CDC14A: variants seen among roughly 807,000 people sequenced by gnomAD.
CDC14A encodes the protein dual specificity protein phosphatase CDC14A.
A neutral mutation model predicts 74.4 loss-of-function variants in CDC14A; 53 were observed. That is an observed-to-expected ratio of 0.71 (90% CI 0.57 to 0.89). The LOEUF (loss-of-function observed/expected upper bound fraction) is 0.89, where lower values mean the gene tolerates loss of function less well. Ranked by LOEUF, CDC14A falls within the 40% of genes least tolerant of loss-of-function variation. The pLI is 0.00. For missense variants in CDC14A, 646 were observed against 713.7 expected, an observed-to-expected ratio of 0.91 and a Z score of 1.08; for synonymous variants, 247 against 258.4, an observed-to-expected ratio of 0.96 and a Z score of 0.43.
At chr1:100,362,016 T>C (rs1310976610) in intron 2 of CDC14A, among the ~76,000 whole-genome samples, 1 of 152,138 alleles carries the variant, frequency 6.6e-6, no homozygotes, top group Non-Finnish European at 1.5e-5. Flanking sequence ...GTTTCTGGCT[T>C]GGGTGACTGG....
intron 13 of CDC14A, among the ~76,000 whole-genome samples, chr1:100,496,266 G>A (rs1006288884): frequency 4.6e-5 from 7 of 150,984 alleles, no homozygotes; most frequent in Non-Finnish European, 7.4e-5. Context: ...ACTGTGTGGT[G>A]GTGGTAGAGA....
chr1:100,447,081 T>G (rs1198584660), intron 7 of CDC14A, among the ~76,000 whole-genome samples: 1 of 152,084 alleles, frequency 6.6e-6, no homozygotes, highest in East Asian at 1.9e-4. Flanking sequence ...GTAGCTAGAG[T>G]ATGGATTCTG....
intron 2 of CDC14A, among the ~76,000 whole-genome samples, chr1:100,358,954 G>C (rs1309723950): frequency 6.6e-6 from 1 of 152,212 alleles, no homozygotes; most frequent in Admixed American, 6.5e-5. Context: ...TGTATAGCAA[G>C]TAGGATAATT....
At chr1:100,488,107 T>G (rs1178316085) in intron 11 of CDC14A, among the ~76,000 whole-genome samples, 2 of 152,206 alleles carry the variant, frequency 1.3e-5, no homozygotes, top group Non-Finnish European at 2.9e-5. Context: ...GTGCTCACTT[T>G]AACATTTAGG....
chr1:100,393,733 A>G (rs982626221), intron 4 of CDC14A: 5 of 366,076 alleles, frequency 1.4e-5, no homozygotes, highest in African/African-American at 1.1e-4. Flanking sequence ...AGGCGGGCGG[A>G]TCACAAGGTC....
chr1:100,399,624 T>G (rs1158774973), intron 4 of CDC14A, among the ~76,000 whole-genome samples: 1 of 152,228 alleles, frequency 6.6e-6, no homozygotes, highest in Non-Finnish European at 1.5e-5. Context: ...TATAGATTTA[T>G]TAACTGTTTG....
At chr1:100,373,898 C>G (rs142047252) in intron 2 of CDC14A, among the ~76,000 whole-genome samples, 7 of 152,026 alleles carry the variant, frequency 4.6e-5, no homozygotes, top group Admixed American at 1.3e-4. Context: ...TGGTGTGCTG[C>G]ACCCATTAAC....
chr1:100,467,327 C>A (rs1006775634), intron 9 of CDC14A, among the ~76,000 whole-genome samples: 2 of 152,144 alleles, frequency 1.3e-5, no homozygotes, highest in African/African-American at 4.8e-5. Flanking sequence ...AAAAGGTCCC[C>A]TCAAAAGCAG....
intron 4 of CDC14A, among the ~76,000 whole-genome samples, chr1:100,414,006 T>A (rs1048666835): frequency 1.3e-5 from 2 of 152,200 alleles, no homozygotes; most frequent in Non-Finnish European, 2.9e-5. Context: ...ACTAACACAC[T>A]TACTTAATTA....
chr1:100,511,137 C>T (rs1649741860), intron 15 of CDC14A, among the ~76,000 whole-genome samples: 1 of 152,222 alleles, frequency 6.6e-6, no homozygotes, highest in African/African-American at 2.4e-5. Flanking sequence ...ACTTCCTTCT[C>T]CTTTTGTATC....
intron 4 of CDC14A, among the ~76,000 whole-genome samples, chr1:100,393,809 G>T (rs1386940414): frequency 6.6e-6 from 1 of 152,006 alleles, no homozygotes; most frequent in Non-Finnish European, 1.5e-5. Context: ...TGGGCGTGGT[G>T]ATGCGAGCCT....
At chr1:100,393,745 AGAGACG>A (rs1658061578) in intron 4 of CDC14A, 2 of 355,900 alleles carry the variant, frequency 5.6e-6, no homozygotes, top group South Asian at 4.5e-5. Context: ...CACAAGGTCA[AGAGACG>A]GAGACCATCC....
intron 2 of CDC14A, among the ~76,000 whole-genome samples, chr1:100,359,108 C>T (rs1024358223): frequency 2.0e-5 from 3 of 152,030 alleles, no homozygotes; most frequent in South Asian, 2.1e-4. Context: ...GGTTGAACCT[C>T]GAGACAAATT....
At chr1:100,510,096 C>G (rs376791792) in intron 15 of CDC14A, among the ~76,000 whole-genome samples, 10 of 152,164 alleles carry the variant, frequency 6.6e-5, no homozygotes, top group South Asian at 4.1e-4. Flanking sequence ...CAAGGATACT[C>G]ATATCGTTTT....
chr1:100,422,293 T>G (rs1331474897), intron 4 of CDC14A, among the ~76,000 whole-genome samples: 1 of 152,164 alleles, frequency 6.6e-6, no homozygotes, highest in Non-Finnish European at 1.5e-5. Flanking sequence ...TCCCTCCAAA[T>G]TAAAGGGAAT....
At chr1:100,475,640 A>G (rs191930752) in intron 10 of CDC14A, among the ~76,000 whole-genome samples, 253 of 152,256 alleles carry the variant, frequency 1.7e-3, no homozygotes, top group African/African-American at 5.8e-3. Flanking sequence ...TTGATGTCCA[A>G]GGCTGAGGGG....
intron 4 of CDC14A, among the ~76,000 whole-genome samples, chr1:100,403,650 T>A (rs1659559156): frequency 6.6e-6 from 1 of 152,254 alleles, no homozygotes; most frequent in African/African-American, 2.4e-5. Flanking sequence ...AGCCTTCAAA[T>A]AATATGATTT....
Position 100,352,857 on chromosome 1 carries a change from T to C in CDC14A, c.-98T>C. ...CTCGGCCAGGCTTGTTGTTCGGGAC[T>C]GTGAGCTTCCTGGCTCCTGGGCAGT... On this transcript the variant is annotated 5_prime_UTR_variant, in exon 1 of 16. Transcript: ENST00000336454. 1 of 1,595,790 alleles carries C rather than the reference T, an allele frequency of 6.3e-7. No homozygotes were observed. Among genetic ancestry groups the C allele is most frequent in the Non-Finnish European group, 8.5e-7 (1 of 1,172,532 alleles).
chr1:100,444,682 A>T (rs61158826), intron 7 of CDC14A, among the ~76,000 whole-genome samples: 1 of 152,210 alleles, frequency 6.6e-6, no homozygotes, highest in Non-Finnish European at 1.5e-5. Context: ...CACAGATTAC[A>T]TCTCACCTCT....
Sources: allele counts gnomAD v4.1 joint callset (sites outside exome capture counted in the v4.1 genomes callset), GRCh38; gene constraint gnomAD v4.1.1; transcripts MANE v1.5; gene names NCBI Gene and HGNC (gene_info 2026-07-23, HGNC 2026-07-21).